MAGI1: variants seen among roughly 807,000 people sequenced by gnomAD.
MAGI1 encodes membrane associated guanylate kinase, WW and PDZ domain containing 1, also known as membrane-associated guanylate kinase, WW and PDZ domain-containing protein 1.
A neutral mutation model predicts 139.9 loss-of-function variants in MAGI1; 58 were observed. That is an observed-to-expected ratio of 0.41 (90% CI 0.34 to 0.52). The LOEUF is 0.52. Among genes scored for constraint, MAGI1 ranks in the 20% least tolerant of loss-of-function variants. The probability of loss-of-function intolerance (pLI) is 0.12; values close to 1 mark genes in which losing one functional copy is unlikely to be tolerated. For synonymous variants in MAGI1, 812 were observed against 737.9 expected (o/e 1.10, Z -1.63); for missense variants, 1,874 against 1,901.6 (o/e 0.99, Z 0.27).
At chr3:65,660,118 A>T (rs2086111429) in intron 1 of MAGI1, among the ~76,000 whole-genome samples, 1 of 152,206 alleles carries the variant, frequency 6.6e-6, no homozygotes. Flanking sequence ...CTTCAAAGAA[A>T]GTCCAACTTT....
intron 1 of MAGI1, among the ~76,000 whole-genome samples, chr3:65,811,843 T>C (rs2041253144): frequency 6.6e-6 from 1 of 152,104 alleles, no homozygotes; most frequent in Non-Finnish European, 1.5e-5. Flanking sequence ...TTCTTTTACT[T>C]AAGCTAGTCA....
intron 1 of MAGI1, among the ~76,000 whole-genome samples, chr3:65,787,182 A>T (rs2039453238): frequency 6.6e-6 from 1 of 152,080 alleles, no homozygotes; most frequent in Non-Finnish European, 1.5e-5. Flanking sequence ...TCACAACAAA[A>T]GTTAGGCATG....
chr3:65,889,515 C>CA lies in MAGI1; in HGVS notation c.313+148480dup, dbSNP rs555038709. ...ATTCTTGAATACCACTGGTGACGTTCAAAAAATTCTAAGCTCATGCCAACC... is the reference window on the plus strand; with the variant it reads ...ATTCTTGAATACCACTGGTGACGTTCAAAAAAATTCTAAGCTCATGCCAACC... On this transcript the variant is annotated intron_variant, in intron 1 of 22. Coordinates refer to ENST00000402939, the MANE Select transcript of MAGI1 (RefSeq NM_001033057.2). 3.7e-3 allele frequency among the ~76,000 whole-genome samples: 569 copies of CA among 152,198 alleles called. 2 individuals carry two copies. The highest frequency in any genetic ancestry group is 5.5e-3 in the Non-Finnish European group (375 of 68,004).
chr3:65,815,303 T>C (rs1431972306), intron 1 of MAGI1, among the ~76,000 whole-genome samples: 2 of 152,210 alleles, frequency 1.3e-5, no homozygotes, highest in Non-Finnish European at 2.9e-5. Context: ...AACGAAGCAC[T>C]ACCAGCCTTA....
intron 1 of MAGI1, among the ~76,000 whole-genome samples, chr3:65,830,710 C>T (rs1454371948): frequency 1.3e-5 from 2 of 152,068 alleles, no homozygotes; most frequent in African/African-American, 2.4e-5. Context: ...TCAGATGTGT[C>T]CAAGTGATGA....
intron 11 of MAGI1, 30 bp downstream of exon 11, chr3:65,430,669 C>T: frequency 6.2e-7 from 1 of 1,605,304 alleles, no homozygotes; most frequent in Middle Eastern, 1.7e-4. Context: ...TCTCACCACA[C>T]AGAACACACT....
intron 1 of MAGI1, among the ~76,000 whole-genome samples, chr3:65,721,580 G>A (rs958294564): frequency 1.3e-5 from 2 of 152,190 alleles, no homozygotes; most frequent in Non-Finnish European, 2.9e-5. Flanking sequence ...CTTAAGCACT[G>A]ACTCCTTCCT....
intron 1 of MAGI1, among the ~76,000 whole-genome samples, chr3:66,029,079 G>A (rs2068458341): frequency 1.3e-5 from 2 of 152,208 alleles, no homozygotes; most frequent in East Asian, 3.9e-4. Flanking sequence ...TTCCGAGGGG[G>A]AAACCTGGCA....
chr3:65,441,484 G>A (rs1477379839), intron 8 of MAGI1, among the ~76,000 whole-genome samples: 1 of 152,124 alleles, frequency 6.6e-6, no homozygotes, highest in African/African-American at 2.4e-5. Context: ...CCATTAACAG[G>A]CACATGAATC....
At chr3:65,430,564 T>G in intron 11 of MAGI1, 135 bp downstream of exon 11, 1 of 840,774 alleles carries the variant, frequency 1.2e-6, no homozygotes, top group East Asian at 2.6e-5. Context: ...ATTCTCAAGG[T>G]GTTTAAAGCT....
At chr3:65,487,205 G>C (rs1951690566) in intron 3 of MAGI1, among the ~76,000 whole-genome samples, 1 of 152,104 alleles carries the variant, frequency 6.6e-6, no homozygotes, top group African/African-American at 2.4e-5. Context: ...ACTTTTTCTT[G>C]ATTCCACAGA....
chr3:65,733,655 C>G (rs989654866), intron 1 of MAGI1, among the ~76,000 whole-genome samples: 1 of 152,178 alleles, frequency 6.6e-6, no homozygotes, highest in African/African-American at 2.4e-5. Context: ...AATTTGAAGA[C>G]CGTTTAAATC....
intron 2 of MAGI1, among the ~76,000 whole-genome samples, chr3:65,551,795 A>T (rs2079847471): frequency 6.6e-6 from 1 of 152,250 alleles, no homozygotes; most frequent in Non-Finnish European, 1.5e-5. Flanking sequence ...TTCCTTCACA[A>T]GTGTGGAAAT....
chr3:65,425,689 G>C (rs1413796848), intron 12 of MAGI1, among the ~76,000 whole-genome samples: 1 of 152,048 alleles, frequency 6.6e-6, no homozygotes, highest in Non-Finnish European at 1.5e-5. Context: ...ATCTTCACTT[G>C]CATACAGTGC....
At chr3:65,584,806 G>C (rs1481040170) in intron 2 of MAGI1, among the ~76,000 whole-genome samples, 1 of 152,190 alleles carries the variant, frequency 6.6e-6, no homozygotes, top group Non-Finnish European at 1.5e-5. Flanking sequence ...AAGTATAACA[G>C]TACTCATTTT....
At chr3:65,403,469 T>G (rs1945074903) in intron 12 of MAGI1, among the ~76,000 whole-genome samples, 1 of 152,188 alleles carries the variant, frequency 6.6e-6, no homozygotes, top group South Asian at 2.1e-4. Context: ...ATGATTCCCT[T>G]AAGAAATTTT....
intron 2 of MAGI1, among the ~76,000 whole-genome samples, chr3:65,503,756 C>G (rs2077172994): frequency 6.6e-6 from 1 of 152,144 alleles, no homozygotes; most frequent in Admixed American, 6.5e-5. Flanking sequence ...CAAAAGTGGC[C>G]TAGACATGAG....
At chr3:65,599,267 G>A (rs577569913) in intron 2 of MAGI1, among the ~76,000 whole-genome samples, 1 of 152,268 alleles carries the variant, frequency 6.6e-6, no homozygotes, top group South Asian at 2.1e-4. Flanking sequence ...AAAGGTGAGA[G>A]GGCAGTGGGC....
In MAGI1 at chr3:65,776,951, A is replaced by G. The variant is rs78817711; in HGVS notation, c.314-154863T>C. 5.9e-5 allele frequency among the ~76,000 whole-genome samples: 9 copies of G among 152,312 alleles called. No homozygotes were observed. In the East Asian group the frequency reaches 1.5e-3, roughly 26 times the overall value. ...TTCTATTATACTACAGGTTCCAACAAGGAACCTTCTTCTACCCTCTCCTTG... is the reference window on the plus strand; with the variant it reads ...TTCTATTATACTACAGGTTCCAACAGGGAACCTTCTTCTACCCTCTCCTTG... On this transcript the variant is annotated intron_variant, in intron 1 of 22. Coordinates refer to ENST00000402939, the MANE Select transcript of MAGI1 (RefSeq NM_001033057.2).
Sources: gnomAD v4.1 joint callset for allele counts (sites outside exome capture counted in the v4.1 genomes callset) on GRCh38, gnomAD v4.1.1 for gene constraint, MANE v1.5 for transcripts, NCBI Gene and HGNC (gene_info 2026-07-23, HGNC 2026-07-21) for gene names.